Variants in ARSG observed in about 807,000 individuals in gnomAD.
ARSG encodes ASG.
In ARSG, 37 loss-of-function variants were observed where a neutral mutation model predicts 50.5. The ratio of observed to expected loss-of-function variants is 0.73; its 90% CI spans 0.56 to 0.96. The LOEUF is 0.96. ARSG is among the 50% of genes least tolerant of loss of function. The probability of loss-of-function intolerance (pLI) is 0.00; values close to 1 mark genes in which losing one functional copy is unlikely to be tolerated. For synonymous variants in ARSG, 225 were observed against 254.6 expected, an observed-to-expected ratio of 0.88 and a Z score of 1.11; for missense variants, 629 against 675.3, an observed-to-expected ratio of 0.93 and a Z score of 0.76.
rs1428667929 is a variant in ARSG at position 68,420,581 on chromosome 17, T to A, written c.*118T>A. 1.6e-6 allele frequency: 2 copies of A among 1,258,830 alleles called. No individual in the cohort carries two copies. Among genetic ancestry groups the A allele is most frequent in the East Asian group, 4.6e-5 (2 of 43,016 alleles). The allele number at this position is 1,258,830 out of a possible 1,614,324, so 78.0% of individuals were successfully genotyped here. On this transcript the variant is annotated 3_prime_UTR_variant, in exon 12 of 12. Coordinates refer to ENST00000621439, the MANE Select transcript of ARSG (RefSeq NM_001267727.2). Reference sequence around the variant, plus strand: ...TTAGTTTAGTCTTGGAGTTTAGTTTTGGAGTTAGCCTTGCATATCCCTTCT... The same window carrying A: ...TTAGTTTAGTCTTGGAGTTTAGTTTAGGAGTTAGCCTTGCATATCCCTTCT...
At chr17:68,308,261 T>C (rs2076685362) in intron 2 of ARSG, among the ~76,000 whole-genome samples, 1 of 152,228 alleles carries the variant, frequency 6.6e-6, no homozygotes, top group Non-Finnish European at 1.5e-5. Context: ...ACTTCAAGAA[T>C]GAAGCTGCAA....
At chr17:68,313,648 G>A (rs2076950682) in intron 2 of ARSG, among the ~76,000 whole-genome samples, 1 of 150,120 alleles carries the variant, frequency 6.7e-6, no homozygotes, top group Non-Finnish European at 1.5e-5. Context: ...GTTCAGTCTG[G>A]TGCAATTAGC....
intron 11 of ARSG, among the ~76,000 whole-genome samples, chr17:68,404,823 T>C (rs1230487635): frequency 6.6e-6 from 1 of 152,218 alleles, no homozygotes; most frequent in Admixed American, 6.5e-5. Context: ...TTAGGTCTTA[T>C]ATTTAGATCT....
chr17:68,409,374 A>G (rs2147329714), intron 11 of ARSG, among the ~76,000 whole-genome samples: 1 of 150,548 alleles, frequency 6.6e-6, no homozygotes, highest in Non-Finnish European at 1.5e-5. Context: ...TTTATTAAAT[A>G]GGGAATCCTT....
At chr17:68,437,948 T>TAAAAAAAAAA in the ARSG span, among the ~76,000 whole-genome samples, 31 of 78,796 alleles carry the variant, frequency 3.9e-4, no homozygotes, top group African/African-American at 8.6e-4. Flanking sequence ...ACATCTCTCT[T>TAAAAAAAAAA]AAAAAAAAAA....
At chr17:68,431,877 T>A in the ARSG span, among the ~76,000 whole-genome samples, 1 of 95,454 alleles carries the variant, frequency 1.0e-5, no homozygotes, top group African/African-American at 4.1e-5. Context: ...CTGATAATAA[T>A]CCCCAGTGGA....
chr17:68,278,729 C>T (rs1023986112), intron 1 of ARSG, among the ~76,000 whole-genome samples: 3 of 149,828 alleles, frequency 2.0e-5, no homozygotes, highest in Non-Finnish European at 2.9e-5. Flanking sequence ...AAGTGATTCT[C>T]CTGCCTCAGC....
intron 2 of ARSG, among the ~76,000 whole-genome samples, chr17:68,342,305 T>TA (rs913113973): frequency 4.6e-5 from 7 of 151,626 alleles, no homozygotes; most frequent in Non-Finnish European, 8.8e-5. Flanking sequence ...TGCTGCTGTG[T>TA]AAAGATACCT....
At chr17:68,292,273 T>TGAG (rs1599586380) in intron 1 of ARSG, among the ~76,000 whole-genome samples, 1 of 152,216 alleles carries the variant, frequency 6.6e-6, no homozygotes, top group East Asian at 1.9e-4. Flanking sequence ...CACAGGTGCA[T>TGAG]GGCTCCCATA....
chr17:68,444,635 A>G, the ARSG span: 1 of 1,510,410 alleles, frequency 6.6e-7, no homozygotes, highest in Non-Finnish European at 9.1e-7. Context: ...TTCCTTACAA[A>G]GACCCTGACC....
At chr17:68,451,204 G>T in the ARSG span, among the ~76,000 whole-genome samples, 18 of 152,254 alleles carry the variant, frequency 1.2e-4, no homozygotes, top group Admixed American at 9.8e-4. Context: ...GCTGAGGCAG[G>T]AGAATCACTT....
At chr17:68,379,997 G>C in intron 8 of ARSG, 1 of 420,654 alleles carries the variant, frequency 2.4e-6, no homozygotes, top group Non-Finnish European at 3.2e-6. Context: ...ATGGGTCCAC[G>C]TAATACATGA....
At chr17:68,294,313 G>T (rs2076129311) in intron 1 of ARSG, among the ~76,000 whole-genome samples, 1 of 152,192 alleles carries the variant, frequency 6.6e-6, no homozygotes, top group African/African-American at 2.4e-5. Context: ...AGGGTCATTT[G>T]CATGAGAACA....
chr17:68,407,834 G>C (rs1353165169), intron 11 of ARSG, among the ~76,000 whole-genome samples: 3 of 151,932 alleles, frequency 2.0e-5, no homozygotes, highest in Non-Finnish European at 4.4e-5. Flanking sequence ...TTACTGATTT[G>C]AATGCCCTTT....
chr17:68,311,330 C>G (rs372459103), intron 2 of ARSG, among the ~76,000 whole-genome samples: 3 of 152,086 alleles, frequency 2.0e-5, no homozygotes, highest in Non-Finnish European at 2.9e-5. Flanking sequence ...CAGTTGTACA[C>G]GAGGGCCTCA....
intron 1 of ARSG, among the ~76,000 whole-genome samples, chr17:68,262,170 CAA>C (rs35446089): frequency 0.36 from 49,163 of 138,182 alleles, 8,318 homozygotes; most frequent in East Asian, 0.53. Context: ...CGAAAACAAA[CAA>C]AAAAAAAAAA....
At chr17:68,436,336 C>T in the ARSG span, 1 of 1,565,162 alleles carries the variant, frequency 6.4e-7, no homozygotes, top group Admixed American at 1.7e-5. Context: ...CATGACCACA[C>T]AGCCAAGGCA....
intron 5 of ARSG, among the ~76,000 whole-genome samples, chr17:68,352,295 G>C (rs1309565762): frequency 6.7e-6 from 1 of 149,144 alleles, no homozygotes; most frequent in Non-Finnish European, 1.5e-5. Context: ...AGGATGTTTT[G>C]AAAAAACATT....
chr17:68,292,366 C>T (rs966663947), intron 1 of ARSG, among the ~76,000 whole-genome samples: 3 of 152,140 alleles, frequency 2.0e-5, no homozygotes, highest in Non-Finnish European at 1.5e-5. Context: ...CCAAGGTCAC[C>T]GTGAACTAAG....
Sources: gnomAD v4.1 joint callset for allele counts (sites outside exome capture counted in the v4.1 genomes callset) on GRCh38, gnomAD v4.1.1 for gene constraint, MANE v1.5 for transcripts, NCBI Gene and HGNC (gene_info 2026-07-23, HGNC 2026-07-21) for gene names.